The following LNPEP variants were observed in gnomAD, a reference collection of about 807,000 sequenced individuals.
LNPEP encodes leucyl and cystinyl aminopeptidase.
Under a neutral mutation model 120.6 loss-of-function variants are expected in LNPEP, and 64 were observed. The observed-to-expected ratio is 0.53, with a 90% confidence interval of 0.43 to 0.65. LNPEP has a LOEUF of 0.65. LNPEP is among the 30% of genes least tolerant of loss of function. The pLI, the probability that LNPEP is intolerant of heterozygous loss-of-function variation, is 0.00. For missense variants in LNPEP, 1,057 were observed against 1,200.0 expected (o/e 0.88, Z 1.76); for synonymous variants, 435 against 425.4 (o/e 1.02, Z -0.28).
chr5:97,016,165 T>G (rs541033578), intron 13 of LNPEP, among the ~76,000 whole-genome samples: 8 of 152,220 alleles, frequency 5.3e-5, no homozygotes, highest in African/African-American at 1.9e-4. Flanking sequence ...GCAAGATGCT[T>G]AAGTTAGATG....
chr5:96,963,629 G>A (rs1789658315), intron 1 of LNPEP, among the ~76,000 whole-genome samples: 1 of 152,182 alleles, frequency 6.6e-6, no homozygotes, highest in Non-Finnish European at 1.5e-5. Flanking sequence ...ACATTCCACA[G>A]TGTCATTTCT....
intron 4 of LNPEP, among the ~76,000 whole-genome samples, chr5:96,989,376 T>TATATATTATATACAATATATATA (rs1561443265): frequency 1.4e-4 from 4 of 27,804 alleles, no homozygotes; most frequent in Non-Finnish European, 2.9e-4. Flanking sequence ...AATTATATAT[T>TATATATTATATACAATATATATA]ATATATTATA....
At chr5:96,984,397 A>T (rs1790194256) in intron 2 of LNPEP, among the ~76,000 whole-genome samples, 1 of 152,100 alleles carries the variant, frequency 6.6e-6, no homozygotes, top group Non-Finnish European at 1.5e-5. Flanking sequence ...CTTAATCTAA[A>T]TGGGTCCAGG....
At chr5:96,967,635 A>C (rs1207270075) in intron 1 of LNPEP, among the ~76,000 whole-genome samples, 2 of 152,118 alleles carry the variant, frequency 1.3e-5, no homozygotes, top group African/African-American at 2.4e-5. Flanking sequence ...TTTAAGATCC[A>C]GCCCCACAGC....
chr5:97,016,432 C>T (rs542413355), intron 13 of LNPEP, among the ~76,000 whole-genome samples: 21 of 152,134 alleles, frequency 1.4e-4, no homozygotes, highest in Non-Finnish European at 2.4e-4. Flanking sequence ...TATTTCTACC[C>T]CCATTAAATA....
intron 1 of LNPEP, among the ~76,000 whole-genome samples, chr5:96,944,407 A>G (rs966818070): frequency 4.6e-5 from 7 of 152,226 alleles, no homozygotes; most frequent in Non-Finnish European, 8.8e-5. Context: ...GATGTTATAC[A>G]TTTTAGGGAG....
rs1554071749 is a variant in LNPEP at position 97,030,620 on chromosome 5, C to CTCTGTGTGTGTGTGTGTG, written c.*2088_*2089insCTGTGTGTGTGTGTGTGT. ...CATTTCTCTCCCTCTCTCTCTCTCT[C>CTCTGTGTGTGTGTGTGTG]TGTGTGTGTGTGTGTGTGTGTGTGT... On this transcript the variant is annotated 3_prime_UTR_variant, in exon 18 of 18. Coordinates refer to ENST00000231368, the MANE Select transcript of LNPEP (RefSeq NM_005575.3). 4.0e-5 allele frequency: 5 copies of CTCTGTGTGTGTGTGTGTG among 126,366 alleles called. No individual in the cohort carries two copies. Among genetic ancestry groups the CTCTGTGTGTGTGTGTGTG allele is most frequent in the Non-Finnish European group, 8.4e-5 (5 of 59,452 alleles). 7.8% of individuals were successfully genotyped at this position (126,366 alleles called of 1,614,324 possible).
rs982342426 is a variant in LNPEP at position 97,037,388 on chromosome 5, G to C, written c.*8855G>C. 2 of 152,080 alleles carry C rather than the reference G, an allele frequency of 1.3e-5. No homozygotes were observed. The highest frequency in any genetic ancestry group is 2.9e-5 in the Non-Finnish European group (2 of 68,004). The allele number at this position is 152,080 out of a possible 1,614,324, so 9.4% of individuals were successfully genotyped here. On this transcript the variant is annotated 3_prime_UTR_variant, in exon 18 of 18. Transcript: ENST00000231368. ...TGTTGTTTCACTTGTAAAGGGAAAAGGCTTATTTTTCTTTATATTTCTGAT... is the reference window on the plus strand; with the variant it reads ...TGTTGTTTCACTTGTAAAGGGAAAACGCTTATTTTTCTTTATATTTCTGAT...
At chr5:96,953,320 G>C (rs1455531900) in intron 1 of LNPEP, among the ~76,000 whole-genome samples, 1 of 129,742 alleles carries the variant, frequency 7.7e-6, no homozygotes, top group Non-Finnish European at 1.7e-5. Flanking sequence ...GTGAAAGTAA[G>C]GTATAGACAC....
In LNPEP at chr5:96,978,751, C is replaced by T. The variant is rs918796179; in HGVS notation, c.20-387C>T. 2.0e-5 allele frequency among the ~76,000 whole-genome samples: 3 copies of T among 152,336 alleles called. No individual in the cohort carries two copies. In the East Asian group the frequency reaches 5.8e-4, roughly 29 times the overall value. ...GGGCACATCCCTTTGATCCTACTGA[C>T]TCCTCGCCTGGTGGGGACAGACATA... On this transcript the variant is annotated intron_variant, in intron 1 of 17. Coordinates refer to ENST00000231368, the MANE Select transcript of LNPEP (RefSeq NM_005575.3).
chr5:96,947,861 T>G lies in LNPEP; in HGVS notation c.19+11687T>G, dbSNP rs544909998. Among the ~76,000 whole-genome samples, 4 of 152,356 alleles carry G rather than the reference T, an allele frequency of 2.6e-5. No individual in the cohort carries two copies. In the South Asian group the frequency reaches 8.3e-4, roughly 32 times the overall value. ...TGCTTTGGGTTTAATTCTATTTTAC[T>G]GAAACCAGAGAATAATAGGATTCAA... On this transcript the variant is annotated intron_variant, in intron 1 of 17. Transcript: ENST00000231368.
intron 1 of LNPEP, among the ~76,000 whole-genome samples, chr5:96,958,976 C>T (rs1206508689): frequency 6.6e-6 from 1 of 151,952 alleles, no homozygotes; most frequent in Non-Finnish European, 1.5e-5. Context: ...CAGGCACCGG[C>T]CACCATGCCC....
intron 2 of LNPEP, 133 bp downstream of exon 2, chr5:96,980,111 A>T (rs1790090714): frequency 1.2e-6 from 1 of 802,416 alleles, no homozygotes; most frequent in African/African-American, 1.7e-5. Flanking sequence ...AAATAGTAGA[A>T]TGGTGATTTA....
chr5:97,004,525 A>G (rs1361918711), intron 9 of LNPEP, among the ~76,000 whole-genome samples: 4 of 152,018 alleles, frequency 2.6e-5, no homozygotes, highest in African/African-American at 9.7e-5. Context: ...AAAAAAAAAA[A>G]AGAAAGAAAG....
In LNPEP at chr5:96,954,770, A is replaced by ATTTTT. The variant is rs1789417391; in HGVS notation, c.19+18597_19+18598insTTTTT. Among the ~76,000 whole-genome samples, 6 of 29,490 alleles carry ATTTTT rather than the reference A, an allele frequency of 2.0e-4. 1 individual carries two copies. The highest frequency in any genetic ancestry group is 5.3e-4 in the Admixed American group (1 of 1,892). 19.3% of individuals were successfully genotyped at this position (29,490 alleles called of 152,430 possible). A position where few individuals can be genotyped will look rare whatever the true frequency, so the allele number is the denominator to read the frequency against. ...TACACATATATATATATATATATAT[A>ATTTTT]TATTTTTTTTTTTTTTTTTTTTTTT... On this transcript the variant is annotated intron_variant, in intron 1 of 17. Coordinates refer to ENST00000231368, the MANE Select transcript of LNPEP (RefSeq NM_005575.3).
chr5:96,954,579 ATTC>A (rs1048324506), intron 1 of LNPEP, among the ~76,000 whole-genome samples: 1 of 147,276 alleles, frequency 6.8e-6, no homozygotes, highest in African/African-American at 2.5e-5. Context: ...CATATTCCTC[ATTC>A]TTCTCATTCT....
chr5:96,938,739 C>T (rs907444026), intron 1 of LNPEP, among the ~76,000 whole-genome samples: 1 of 152,154 alleles, frequency 6.6e-6, no homozygotes, highest in African/African-American at 2.4e-5. Flanking sequence ...CTGGAAAGGG[C>T]TTATAAGGAT....
At chr5:96,983,253 C>G (rs1790167613) in intron 2 of LNPEP, among the ~76,000 whole-genome samples, 1 of 152,138 alleles carries the variant, frequency 6.6e-6, no homozygotes, top group African/African-American at 2.4e-5. Flanking sequence ...CTACCACCTC[C>G]AAGTGGTGGT....
In LNPEP at chr5:96,936,204, G is replaced by T. The variant is rs762925318; in HGVS notation, c.19+30G>T. 2.8e-6 allele frequency: 4 copies of T among 1,428,504 alleles called. No individual in the cohort carries two copies. In the South Asian group the frequency reaches 5.8e-5, roughly 21 times the overall value. The allele number at this position is 1,428,504 out of a possible 1,614,324, so 88.5% of individuals were successfully genotyped here. A position where few individuals can be genotyped will look rare whatever the true frequency, so the allele number is the denominator to read the frequency against. ...GTGGGCTGCCGAGGCGCCGGGACCC[G>T]GGCTCTCCGGAGCCCTGAGGGTCGT... On this transcript the variant is annotated intron_variant, in intron 1 of 17. Transcript: ENST00000231368.
Sources: allele counts gnomAD v4.1 joint callset (sites outside exome capture counted in the v4.1 genomes callset), GRCh38; gene constraint gnomAD v4.1.1; transcripts MANE v1.5; gene names NCBI Gene and HGNC (gene_info 2026-07-23, HGNC 2026-07-21).